The following SLC26A8 variants were observed in gnomAD, a reference collection of about 807,000 sequenced individuals.
The protein encoded by SLC26A8 is solute carrier family 26 member 8.
Under a neutral mutation model 105.0 loss-of-function variants are expected in SLC26A8, and 70 were observed. The ratio of observed to expected loss-of-function variants is 0.67; its 90% CI spans 0.55 to 0.81. The LOEUF is 0.81. Ranked by LOEUF, SLC26A8 falls within the 40% of genes least tolerant of loss-of-function variation. The pLI, the probability that SLC26A8 is intolerant of heterozygous loss-of-function variation, is 0.00. For missense variants in SLC26A8, 998 were observed against 1,181.8 expected (o/e 0.84, Z 2.28); for synonymous variants, 415 against 438.3 (o/e 0.95, Z 0.66).
At chr6:36,022,990 T>C (rs1762162889) in intron 1 of SLC26A8, among the ~76,000 whole-genome samples, 1 of 142,942 alleles carries the variant, frequency 7.0e-6, no homozygotes, top group African/African-American at 2.5e-5. Flanking sequence ...TAGGTCTTGC[T>C]AGGTAGAAAA....
At chr6:35,971,386 C>T (rs1319606636) in intron 10 of SLC26A8, among the ~76,000 whole-genome samples, 1 of 152,182 alleles carries the variant, frequency 6.6e-6, no homozygotes, top group East Asian at 1.9e-4. Context: ...TGCCTTCTCT[C>T]CAGAGAGTCA....
intron 5 of SLC26A8, among the ~76,000 whole-genome samples, chr6:35,993,361 G>A (rs1202197164): frequency 6.6e-6 from 1 of 151,970 alleles, no homozygotes; most frequent in Non-Finnish European, 1.5e-5. Flanking sequence ...CTTTTCAGGA[G>A]ATGTTAACAT....
At chr6:35,965,476 T>G (rs112941324) in intron 11 of SLC26A8, among the ~76,000 whole-genome samples, 10,973 of 151,300 alleles carry the variant, frequency 0.073, 464 homozygotes, top group Middle Eastern at 0.1. Flanking sequence ...GGTTGGGGGT[T>G]CGAGACCAGC....
chr6:35,974,013 C>G (rs1772899726), intron 10 of SLC26A8, among the ~76,000 whole-genome samples: 1 of 152,174 alleles, frequency 6.6e-6, no homozygotes, highest in Non-Finnish European at 1.5e-5. Flanking sequence ...TTTATCTAGT[C>G]AGTTCAAAAC....
intron 11 of SLC26A8, among the ~76,000 whole-genome samples, chr6:35,968,607 G>GTATATATA (rs1462092309): frequency 1.3e-3 from 61 of 46,994 alleles, no homozygotes; most frequent in Non-Finnish European, 1.8e-3. Flanking sequence ...GTGTGTGTGT[G>GTATATATA]TGTATATATA....
intron 10 of SLC26A8, among the ~76,000 whole-genome samples, chr6:35,971,523 G>A (rs558139087): frequency 2.0e-5 from 3 of 152,336 alleles, no homozygotes; most frequent in African/African-American, 7.2e-5. Context: ...AGGCACTTGG[G>A]TCTTGGGGTA....
chr6:36,004,074 CTTTTTT>C (rs1184419646), intron 3 of SLC26A8, among the ~76,000 whole-genome samples: 4 of 114,422 alleles, frequency 3.5e-5, no homozygotes, highest in African/African-American at 1.3e-4. Flanking sequence ...TTTATTTCTG[CTTTTTT>C]TTTTTTTTTT....
At chr6:35,948,274 A>T (rs373923712) in intron 19 of SLC26A8, among the ~76,000 whole-genome samples, 7 of 152,176 alleles carry the variant, frequency 4.6e-5, no homozygotes, top group African/African-American at 1.2e-4. Context: ...GTTAAAGTGT[A>T]TTATACAGCA....
chr6:36,018,749 G>A (rs937992685), intron 2 of SLC26A8, among the ~76,000 whole-genome samples: 1 of 152,162 alleles, frequency 6.6e-6, no homozygotes, highest in African/African-American at 2.4e-5. Flanking sequence ...AAGGTTCAAA[G>A]CACAAAAACA....
At chr6:35,982,393 CCT>C (rs780511104) in intron 7 of SLC26A8, among the ~76,000 whole-genome samples, 190 bp from the exon 8 acceptor site, 39 of 152,170 alleles carry the variant, frequency 2.6e-4, no homozygotes, top group Admixed American at 2.3e-3. Flanking sequence ...AGAGATCTTC[CCT>C]GTTTCTTTTG....
chr6:35,991,412 A>C (rs1235184810), intron 7 of SLC26A8, among the ~76,000 whole-genome samples: 10 of 151,128 alleles, frequency 6.6e-5, no homozygotes, highest in African/African-American at 1.7e-4. Flanking sequence ...AAAAAAAAAA[A>C]AAAAAAAAAC....
chr6:35,948,097 A>AT (rs1351922178), intron 19 of SLC26A8, among the ~76,000 whole-genome samples: 1 of 152,154 alleles, frequency 6.6e-6, no homozygotes, highest in East Asian at 1.9e-4. Context: ...TTCTCAAGGG[A>AT]TTTTATATTT....
At chr6:35,948,709 ACATAT>A (rs1771759463) in intron 19 of SLC26A8, among the ~76,000 whole-genome samples, 1 of 152,382 alleles carries the variant, frequency 6.6e-6, no homozygotes, top group Non-Finnish European at 1.5e-5. Context: ...TATGAAAATA[ACATAT>A]CAGTAGGGGA....
Position 35,959,516 on chromosome 6 carries a change from C to T in SLC26A8, c.1807G>A (p.Gly603Arg), listed in dbSNP as rs780398749. The T allele has an allele frequency of 7.4e-6, 12 of 1,614,024 alleles. No homozygotes were observed. Among genetic ancestry groups the T allele is most frequent in the Non-Finnish European group, 9.3e-6 (11 of 1,180,004 alleles). Residue 603 changes from glycine (G) to arginine (R), a missense_variant, in exon 16 of 20, where the codon GGA becomes AGA. Coordinates refer to ENST00000490799, the MANE Select transcript of SLC26A8 (RefSeq NM_052961.4). ...CAGAAACACCTGCAAATCTTTCCTC[C>T]TTGTAGATTGGTGTCACTTGAATTA... ...LFNSSDTNLQGGKICRCFCNC... is the reference protein window; with the variant it reads ...LFNSSDTNLQRGKICRCFCNC...
chr6:35,992,940 C>T (rs992971248), intron 5 of SLC26A8, among the ~76,000 whole-genome samples: 4 of 152,112 alleles, frequency 2.6e-5, no homozygotes, highest in African/African-American at 9.7e-5. Context: ...GCCCTAGAAT[C>T]TACTGCTCTC....
intron 12 of SLC26A8, among the ~76,000 whole-genome samples, chr6:35,961,854 A>T (rs1772317631): frequency 6.6e-6 from 1 of 152,140 alleles, no homozygotes; most frequent in Admixed American, 6.5e-5. Context: ...TCCAGCAGTT[A>T]TTCTGCCTGA....
intron 7 of SLC26A8, chr6:35,989,426 G>A (rs1562050489): frequency 6.6e-6 from 1 of 152,162 alleles, no homozygotes; most frequent in African/African-American, 2.4e-5. Flanking sequence ...CAATGTGTGT[G>A]TGTATCTCCG....
chr6:36,005,288 C>A (rs1290100997), intron 3 of SLC26A8, among the ~76,000 whole-genome samples: 1 of 152,098 alleles, frequency 6.6e-6, no homozygotes, highest in Non-Finnish European at 1.5e-5. Context: ...TTGATCAGAG[C>A]TAGGAAATTA....
At chr6:35,944,903 G>A (rs1036018610) in intron 19 of SLC26A8, among the ~76,000 whole-genome samples, 6 of 152,136 alleles carry the variant, frequency 3.9e-5, no homozygotes, top group Admixed American at 6.5e-5. Context: ...AGGCTGGAGT[G>A]CAGTGGCATG....
Sources: gnomAD v4.1 joint callset for allele counts (sites outside exome capture counted in the v4.1 genomes callset) on GRCh38, gnomAD v4.1.1 for gene constraint, MANE v1.5 for transcripts, NCBI Gene and HGNC (gene_info 2026-07-23, HGNC 2026-07-21) for gene names.